STX8: variants seen among roughly 807,000 people sequenced by gnomAD.
STX8 encodes syntaxin-8.
A neutral mutation model predicts 37.5 loss-of-function variants in STX8; 23 were observed. The observed-to-expected ratio is 0.61, with a 90% CI of 0.44 to 0.87. STX8 has a LOEUF of 0.87. Among genes scored for constraint, STX8 ranks in the 40% least tolerant of loss-of-function variants. The pLI, the probability that STX8 is intolerant of heterozygous loss-of-function variation, is 0.00. For synonymous variants in STX8, 115 were observed against 99.1 expected, an observed-to-expected ratio of 1.16 and a Z score of -0.95; for missense variants, 313 against 284.7, an observed-to-expected ratio of 1.10 and a Z score of -0.71.
At chr17:9,494,173 G>A (rs1193777605) in intron 5 of STX8, among the ~76,000 whole-genome samples, 2 of 151,438 alleles carry the variant, frequency 1.3e-5, no homozygotes, top group Admixed American at 6.6e-5. Context: ...CCGCCACCAC[G>A]CCCGGCTAAT....
Position 9,390,240 on chromosome 17 carries a change from G to A in STX8, c.542-11587C>T, listed in dbSNP as rs146099189. ...CTAGGCTTAAAAATGTGTAACAGGAGTCTGGACGCAGTGGCTCAGGCCTGT... is the reference window on the plus strand; with the variant it reads ...CTAGGCTTAAAAATGTGTAACAGGAATCTGGACGCAGTGGCTCAGGCCTGT... On this transcript the variant is annotated intron_variant, in intron 6 of 7. Transcript: ENST00000306357. 3.2e-3 allele frequency among the ~76,000 whole-genome samples: 487 copies of A among 152,346 alleles called. 5 individuals are homozygous for A. Among genetic ancestry groups the A allele is most frequent in the African/African-American group, 0.011 (457 of 41,582 alleles).
chr17:9,488,821 A>AGAGTGTGTGT (rs563653738), intron 6 of STX8, among the ~76,000 whole-genome samples: 27 of 144,014 alleles, frequency 1.9e-4, no homozygotes, highest in African/African-American at 6.7e-4. Context: ...AGAGAGAGAG[A>AGAGTGTGTGT]GTGTGTGTGT....
At chr17:9,489,817 T>C (rs970461525) in intron 6 of STX8, among the ~76,000 whole-genome samples, 3 of 150,998 alleles carry the variant, frequency 2.0e-5, no homozygotes, top group African/African-American at 7.3e-5. Flanking sequence ...GCCTCCCGCG[T>C]AGCTGGGATT....
intron 6 of STX8, among the ~76,000 whole-genome samples, chr17:9,409,606 TTA>T (rs1264148799): frequency 6.6e-6 from 1 of 152,200 alleles, no homozygotes; most frequent in Non-Finnish European, 1.5e-5. Flanking sequence ...GCATATACTA[TTA>T]TGTCACTGTG....
chr17:9,373,835 A>G (rs540525668), intron 7 of STX8, among the ~76,000 whole-genome samples: 1 of 151,590 alleles, frequency 6.6e-6, no homozygotes, highest in East Asian at 2.0e-4. Flanking sequence ...GCCACTCAGG[A>G]GGCTGAGGCA....
intron 7 of STX8, among the ~76,000 whole-genome samples, chr17:9,343,870 T>C (rs1414273264): frequency 6.6e-6 from 1 of 152,178 alleles, no homozygotes; most frequent in Non-Finnish European, 1.5e-5. Flanking sequence ...TCCAGGTTAA[T>C]ACTGATGTTA....
chr17:9,476,194 A>T (rs542259050), intron 6 of STX8, among the ~76,000 whole-genome samples: 1 of 152,232 alleles, frequency 6.6e-6, no homozygotes, highest in South Asian at 2.1e-4. Flanking sequence ...ACAAAACAAA[A>T]CGAAACCTAC....
At chr17:9,446,083 T>G (rs1037859690) in intron 6 of STX8, among the ~76,000 whole-genome samples, 4 of 152,020 alleles carry the variant, frequency 2.6e-5, no homozygotes, top group Admixed American at 2.6e-4. Context: ...TGATCTGCCC[T>G]CCTCAGCCTC....
chr17:9,468,264 C>A (rs1338570611), intron 6 of STX8, among the ~76,000 whole-genome samples: 2 of 152,008 alleles, frequency 1.3e-5, no homozygotes, highest in African/African-American at 4.8e-5. Context: ...CGTGCACCAC[C>A]GCACCCGGCT....
intron 3 of STX8, among the ~76,000 whole-genome samples, chr17:9,546,839 C>T (rs573817018): frequency 6.6e-6 from 1 of 150,862 alleles, no homozygotes; most frequent in Non-Finnish European, 1.5e-5. Context: ...CCTCATGATC[C>T]GTTCACCTCA....
rs373230591 is a variant in STX8 at position 9,285,906 on chromosome 17, T to C, written c.644-35261A>G. On this transcript the variant is annotated intron_variant, in intron 7 of 7. Coordinates refer to ENST00000306357, the MANE Select transcript of STX8 (RefSeq NM_004853.3). ...TTCACATTTTCCCTTCAAAAGTGAC[T>C]AATTTACTCAATACTTCTGAAAAAT... is the stretch of plus-strand genomic sequence containing the variant. Among the ~76,000 whole-genome samples, 40 of 152,360 alleles carry C rather than the reference T, an allele frequency of 2.6e-4. 1 individual carries two copies. The South Asian group carries it at 8.3e-3, about 32-fold the overall frequency.
chr17:9,391,169 C>T (rs1266917651), intron 6 of STX8, among the ~76,000 whole-genome samples: 1 of 152,090 alleles, frequency 6.6e-6, no homozygotes, highest in East Asian at 1.9e-4. Context: ...AAACCATTCA[C>T]AGGCTGGGCT....
In STX8 at chr17:9,277,364, TAGTGAGGGCAGGGTCTCAATG is replaced by T. The variant is rs532844540; in HGVS notation, c.644-26740_644-26720del. 5.5e-3 allele frequency among the ~76,000 whole-genome samples: 840 copies of T among 151,986 alleles called. 7 individuals carry two copies. The highest frequency in any genetic ancestry group is 0.031 in the Middle Eastern group (9 of 294). ...GCTGGAAATGATAGTGGGTGAAGGT[TAGTGAGGGCAGGGTCTCAATG>T]AGTGAGGGCAGGGTCTCAATGAGTG... On this transcript the variant is annotated intron_variant, in intron 7 of 7. Transcript: ENST00000306357.
intron 2 of STX8, among the ~76,000 whole-genome samples, chr17:9,562,292 G>A (rs1342291978): frequency 6.6e-6 from 1 of 151,874 alleles, no homozygotes; most frequent in Non-Finnish European, 1.5e-5. Context: ...TGTAGCCCCA[G>A]CTACTTGGGA....
At chr17:9,488,394 G>A (rs115136345) in intron 6 of STX8, among the ~76,000 whole-genome samples, 370 of 152,204 alleles carry the variant, frequency 2.4e-3, no homozygotes, top group African/African-American at 8.3e-3. Context: ...CGTAGTCCCT[G>A]GTGTCTGTGA....
intron 7 of STX8, among the ~76,000 whole-genome samples, chr17:9,341,591 C>G (rs1910361109): frequency 6.6e-6 from 1 of 152,118 alleles, no homozygotes; most frequent in Non-Finnish European, 1.5e-5. Flanking sequence ...CATGTGCCAC[C>G]AGGCCTGGCT....
intron 4 of STX8, among the ~76,000 whole-genome samples, chr17:9,514,396 G>A (rs1312541366): frequency 6.6e-6 from 1 of 152,110 alleles, no homozygotes; most frequent in African/African-American, 2.4e-5. Flanking sequence ...CCTGAGGTCA[G>A]GAGTTCCAGA....
chr17:9,401,361 G>A (rs1912613187), intron 6 of STX8, among the ~76,000 whole-genome samples: 1 of 152,128 alleles, frequency 6.6e-6, no homozygotes, highest in East Asian at 1.9e-4. Flanking sequence ...AGTTTTAAAA[G>A]TAGTTATGAT....
intron 7 of STX8, among the ~76,000 whole-genome samples, chr17:9,319,930 A>G (rs1221317827): frequency 6.6e-6 from 1 of 152,126 alleles, no homozygotes; most frequent in Non-Finnish European, 1.5e-5. Flanking sequence ...AGCCTGGGCA[A>G]CATAGTGAGA....
Sources: allele counts gnomAD v4.1 joint callset (sites outside exome capture counted in the v4.1 genomes callset), GRCh38; gene constraint gnomAD v4.1.1; transcripts MANE v1.5; gene names NCBI Gene and HGNC (gene_info 2026-07-23, HGNC 2026-07-21).